The following SLC4A1AP variants were observed in gnomAD, a reference collection of about 807,000 sequenced individuals.
The protein encoded by SLC4A1AP is solute carrier family 4 member 1 adaptor protein.
A neutral mutation model predicts 89.7 loss-of-function variants in SLC4A1AP; 64 were observed. The ratio of observed to expected loss-of-function variants is 0.71; its 90% CI spans 0.58 to 0.88. The LOEUF is 0.88. Ranked by LOEUF, SLC4A1AP falls within the 40% of genes least tolerant of loss-of-function variation. The pLI, the probability that SLC4A1AP is intolerant of heterozygous loss-of-function variation, is 0.00. For missense variants in SLC4A1AP, 931 were observed against 965.0 expected, an observed-to-expected ratio of 0.96 and a Z score of 0.47; for synonymous variants, 366 against 353.3, an observed-to-expected ratio of 1.04 and a Z score of -0.40.
intron 1 of SLC4A1AP, 139 bp from the exon 2 acceptor site, chr2:27,664,961 G>T: frequency 3.3e-6 from 2 of 611,870 alleles, no homozygotes; most frequent in Non-Finnish European, 5.6e-6. Flanking sequence ...GGAGGCTGAG[G>T]TGGGAGGATC....
intron 3 of SLC4A1AP, among the ~76,000 whole-genome samples, chr2:27,668,104 A>G (rs1675363611): frequency 6.6e-6 from 1 of 152,036 alleles, no homozygotes; most frequent in South Asian, 2.1e-4. Flanking sequence ...TAGGAATGAG[A>G]AGTGAAATGC....
chr2:27,690,515 T>C (rs1675773908), intron 12 of SLC4A1AP, among the ~76,000 whole-genome samples: 1 of 152,202 alleles, frequency 6.6e-6, no homozygotes, highest in South Asian at 2.1e-4. Context: ...AGACCGAGTC[T>C]TGCTCTGTCA....
chr2:27,687,399 A>G (rs943706444), intron 10 of SLC4A1AP, among the ~76,000 whole-genome samples: 9 of 151,982 alleles, frequency 5.9e-5, no homozygotes, highest in African/African-American at 1.2e-4. Context: ...CCTGGACAAG[A>G]TAGTGAAACT....
intron 5 of SLC4A1AP, among the ~76,000 whole-genome samples, chr2:27,673,400 T>TCCC (rs1675459741): frequency 3.1e-5 from 1 of 31,760 alleles, no homozygotes; most frequent in Non-Finnish European, 5.9e-5. Context: ...TTCCCTTACT[T>TCCC]TCCCTCCCTC....
intron 13 of SLC4A1AP, 111 bp from the exon 14 acceptor site, chr2:27,694,523 A>AC: frequency 1.5e-6 from 1 of 676,690 alleles, no homozygotes; most frequent in Non-Finnish European, 2.3e-6. Flanking sequence ...TCTACCGTAG[A>AC]ATAAACCTTT....
intron 6 of SLC4A1AP, among the ~76,000 whole-genome samples, chr2:27,676,443 A>G (rs1675524394): frequency 6.6e-6 from 1 of 152,234 alleles, no homozygotes; most frequent in South Asian, 2.1e-4. Flanking sequence ...TCTTCTGAGT[A>G]AAATGAAGTC....
chr2:27,694,067 G>A (rs1411254960), intron 13 of SLC4A1AP, among the ~76,000 whole-genome samples: 1 of 152,124 alleles, frequency 6.6e-6, no homozygotes, highest in Non-Finnish European at 1.5e-5. Flanking sequence ...AGTGTTTACA[G>A]GTGTAATGTT....
At chr2:27,670,044 G>A (rs1218000759) in intron 5 of SLC4A1AP, among the ~76,000 whole-genome samples, 1 of 152,102 alleles carries the variant, frequency 6.6e-6, no homozygotes, top group Non-Finnish European at 1.5e-5. Context: ...TGTATTTTTA[G>A]TAGAGACGGG....
chr2:27,668,597 G>T lies in SLC4A1AP; in HGVS notation c.1145-246G>T, dbSNP rs1272091823. ...CCGTAGTAGCTGGGACAAAAGTCACGTACCATCATGCCCGGCTAATTTCTG... is the reference window on the plus strand; with the variant it reads ...CCGTAGTAGCTGGGACAAAAGTCACTTACCATCATGCCCGGCTAATTTCTG... On this transcript the variant is annotated intron_variant, in intron 3 of 13. Transcript: ENST00000613058. The T allele has an allele frequency of 1.2e-5, 8 of 647,488 alleles. No individual in the cohort carries two copies. The East Asian group carries it at 2.2e-4, about 17-fold the overall frequency. 40.1% of individuals were successfully genotyped at this position (647,488 alleles called of 1,614,324 possible).
chr2:27,663,929 CTCTCAG>C (rs763803345), exon 1 of SLC4A1AP: 1 of 1,614,208 alleles, frequency 6.2e-7, no homozygotes, highest in South Asian at 1.1e-5. Flanking sequence ...CTGACATTCT[CTCTCAG>C]TCAGAGACCC....
At chr2:27,682,194 A>G in intron 8 of SLC4A1AP, 54 bp from the exon 9 acceptor site, 2 of 1,187,082 alleles carry the variant, frequency 1.7e-6, no homozygotes, top group East Asian at 2.4e-5. Flanking sequence ...GTATTTTTAG[A>G]TAAAACCTTG....
intron 9 of SLC4A1AP, among the ~76,000 whole-genome samples, chr2:27,683,523 T>C (rs1418388922): frequency 6.6e-6 from 1 of 152,198 alleles, no homozygotes; most frequent in Non-Finnish European, 1.5e-5. Flanking sequence ...TCTCTTCTTC[T>C]TCTTCTAAGG....
intron 8 of SLC4A1AP, 37 bp from the exon 9 acceptor site, chr2:27,682,211 C>T (rs990494631): frequency 7.1e-7 from 1 of 1,398,874 alleles, no homozygotes; most frequent in African/African-American, 1.4e-5. Context: ...CTTGGGACTC[C>T]CTGGAATAGA....
chr2:27,673,302 T>TTC (rs10659481), intron 5 of SLC4A1AP, among the ~76,000 whole-genome samples: 4,451 of 148,736 alleles, frequency 0.03, 146 homozygotes, highest in African/African-American at 0.075. Context: ...ATGAATTTCT[T>TTC]TCTCTCTCTC....
intron 8 of SLC4A1AP, among the ~76,000 whole-genome samples, chr2:27,679,141 A>C (rs1004057849): frequency 6.6e-6 from 1 of 152,234 alleles, no homozygotes; most frequent in Admixed American, 6.5e-5. Context: ...CATTCTCTAC[A>C]AGACAAATTG....
chr2:27,691,243 G>T (rs924464568), intron 12 of SLC4A1AP, among the ~76,000 whole-genome samples: 3 of 151,846 alleles, frequency 2.0e-5, no homozygotes, highest in Admixed American at 6.6e-5. Context: ...GTTTGGTCAG[G>T]ATTTCTGTTT....
chr2:27,693,847 CA>C, intron 13 of SLC4A1AP, 93 bp downstream of exon 13: 1 of 944,474 alleles, frequency 1.1e-6, no homozygotes, highest in Non-Finnish European at 1.6e-6. Flanking sequence ...AAGAAAGTTA[CA>C]AGAGTATGTA....
At chr2:27,690,223 T>C (rs1291537189) in intron 12 of SLC4A1AP, among the ~76,000 whole-genome samples, 1 of 152,216 alleles carries the variant, frequency 6.6e-6, no homozygotes, top group Non-Finnish European at 1.5e-5. Context: ...CATATAGTGA[T>C]GAAATCTGAG....
At chr2:27,672,684 T>TTGGAATATATAGGTGGGGTTTCTGCA (rs1314202231) in intron 5 of SLC4A1AP, among the ~76,000 whole-genome samples, 24 of 152,192 alleles carry the variant, frequency 1.6e-4, no homozygotes, top group Admixed American at 1.6e-3. Context: ...GATTGACAGT[T>TTGGAATATATAGGTGGGGTTTCTGCA]TGGAATATAT....
Sources: gnomAD v4.1 joint callset for allele counts (sites outside exome capture counted in the v4.1 genomes callset) on GRCh38, gnomAD v4.1.1 for gene constraint, MANE v1.5 for transcripts, NCBI Gene and HGNC (gene_info 2026-07-23, HGNC 2026-07-21) for gene names.